PTCHD4: variants seen among roughly 807,000 people sequenced by gnomAD.
The protein encoded by PTCHD4 is patched domain containing 4, also known as patched domain-containing protein 4.
Under a neutral mutation model 58.1 loss-of-function variants are expected in PTCHD4, and 33 were observed. The observed-to-expected ratio is 0.57, with a 90% CI of 0.43 to 0.76. The LOEUF is 0.76. Ranked by LOEUF, PTCHD4 falls within the 30% of genes least tolerant of loss-of-function variation. The pLI is 0.00. For missense variants in PTCHD4, 1,058 were observed against 1,027.1 expected (o/e 1.03, Z -0.41); for synonymous variants, 478 against 409.6 (o/e 1.17, Z -2.02).
At position 47,875,054 on chromosome 6, in the gene PTCHD4, A is replaced by C. The variant is rs1482697032; in HGVS notation, c.*3249T>G. Among the ~76,000 whole-genome samples, 1 of 151,870 alleles carries C rather than the reference A, an allele frequency of 6.6e-6. No homozygotes were observed. Among genetic ancestry groups the C allele is most frequent in the African/African-American group, 2.4e-5 (1 of 41,404 alleles). On this transcript the variant is annotated 3_prime_UTR_variant, in exon 5 of 5. Coordinates refer to ENST00000339488, the MANE Select transcript of PTCHD4 (RefSeq NM_001384253.1). Reference sequence around the variant, plus strand: ...TTCTGATGGAAGGAAATAAATCCACATTCCAGTTTACATACAGAAAAAGAG... The same window carrying C: ...TTCTGATGGAAGGAAATAAATCCACCTTCCAGTTTACATACAGAAAAAGAG...
intron 4 of PTCHD4, chr6:47,901,280 G>T: frequency 4.5e-6 from 1 of 222,728 alleles, no homozygotes; most frequent in Non-Finnish European, 7.5e-6. Flanking sequence ...TTACACTCAA[G>T]TTCATAAAGT....
chr6:47,951,508 ACAAGGGACC>A lies in PTCHD4; in HGVS notation c.898+57117_898+57125del, dbSNP rs1766649817. Among the ~76,000 whole-genome samples, 3 of 152,336 alleles carry A rather than the reference ACAAGGGACC, an allele frequency of 2.0e-5. No individual in the cohort carries two copies. The South Asian group carries it at 6.2e-4, about 32-fold the overall frequency. Reference sequence around the variant, plus strand: ...AATATATCACTGCAGCCATTTACACACAAGGGACCCAGATTTTTATTTGGCAGTAAGATC... The same window carrying A: ...AATATATCACTGCAGCCATTTACACACAGATTTTTATTTGGCAGTAAGATC... On this transcript the variant is annotated intron_variant, in intron 4 of 4. Transcript: ENST00000339488.
intron 1 of PTCHD4, among the ~76,000 whole-genome samples, chr6:48,103,289 G>C (rs1477564434): frequency 1.3e-5 from 2 of 152,208 alleles, no homozygotes; most frequent in East Asian, 3.9e-4. Flanking sequence ...AGCATTTGCG[G>C]TTCACCAATA....
Position 47,878,944 on chromosome 6 carries a change from G to A in PTCHD4, c.1891C>T (p.Leu631Phe), listed in dbSNP as rs771335366. 1.9e-6 allele frequency: 3 copies of A among 1,613,080 alleles called. No individual in the cohort carries two copies. Among genetic ancestry groups the A allele is most frequent in the East Asian group, 2.2e-5 (1 of 44,850 alleles). ...EVLEKLRPLS[L>F]SKSIRFIVFN... ...ACGATGAATCGGATGCTCTTTGAGA[G>A]GGATAGGGGCCTCAGCTTTTCCAAC... The change falls in exon 5 of 5, where the codon CTC (leucine) becomes TTC (phenylalanine). Residue 631 changes from leucine (L) to phenylalanine (F), a missense_variant. Coordinates refer to ENST00000339488, the MANE Select transcript of PTCHD4 (RefSeq NM_001384253.1).
intron 4 of PTCHD4, among the ~76,000 whole-genome samples, chr6:47,942,847 G>A (rs925894122): frequency 3.3e-5 from 5 of 152,154 alleles, no homozygotes; most frequent in Admixed American, 2.0e-4. Flanking sequence ...ATTCCCTCTG[G>A]TTTCTAAGTG....
chr6:47,912,153 C>G (rs1765090636), intron 4 of PTCHD4, among the ~76,000 whole-genome samples: 1 of 152,060 alleles, frequency 6.6e-6, no homozygotes, highest in Admixed American at 6.6e-5. Context: ...ATGATGGTAG[C>G]AGGGTTTTGC....
chr6:47,881,515 T>C (rs1764021050), intron 4 of PTCHD4, among the ~76,000 whole-genome samples: 1 of 152,034 alleles, frequency 6.6e-6, no homozygotes, highest in South Asian at 2.1e-4. Context: ...TCTGCCTCCT[T>C]TTGGAATTCT....
chr6:48,072,239 CTATT>C (rs1179653844), intron 1 of PTCHD4, among the ~76,000 whole-genome samples: 5 of 152,138 alleles, frequency 3.3e-5, no homozygotes, highest in East Asian at 1.9e-4. Flanking sequence ...TCTATTTTCT[CTATT>C]TATTCATTCA....
Position 47,867,326 on chromosome 6 carries a change from A to G in PTCHD4, c.*10977T>C. On this transcript the variant is annotated 3_prime_UTR_variant, in exon 5 of 5. Transcript: ENST00000339488. ...CTCTAAACTGGCTCTTGCAACCACT[A>G]CATTTCAAAGCAAGAGAGATTATAA... Among the ~76,000 whole-genome samples, 1 of 151,762 alleles carries G rather than the reference A, an allele frequency of 6.6e-6. No individual in the cohort carries two copies. Among genetic ancestry groups the G allele is most frequent in the Non-Finnish European group, 1.5e-5 (1 of 67,836 alleles).
At chr6:47,906,640 A>G (rs774391425) in intron 4 of PTCHD4, among the ~76,000 whole-genome samples, 10 of 152,212 alleles carry the variant, frequency 6.6e-5, no homozygotes, top group Non-Finnish European at 1.0e-4. Context: ...CTTCATTTAT[A>G]GAAAGTGAAT....
chr6:47,974,639 C>A (rs1767628031), intron 4 of PTCHD4, among the ~76,000 whole-genome samples: 1 of 152,160 alleles, frequency 6.6e-6, no homozygotes, highest in Non-Finnish European at 1.5e-5. Context: ...TGCTAAATAT[C>A]CCCTGGGAGG....
intron 4 of PTCHD4, among the ~76,000 whole-genome samples, chr6:47,973,044 AT>A (rs1336624277): frequency 6.6e-6 from 1 of 151,816 alleles, no homozygotes. Flanking sequence ...CTCATTTATT[AT>A]TTTTTCTTCA....
chr6:48,110,532 A>T (rs1223983651), intron 1 of PTCHD4, among the ~76,000 whole-genome samples: 1 of 151,766 alleles, frequency 6.6e-6, no homozygotes, highest in African/African-American at 2.4e-5. Context: ...GTTATATAGG[A>T]TGAATAAGTC....
rs1437046916 is a variant in PTCHD4, at chr6:47,868,402, C to T, written c.*9901G>A. ...TATAGGAAAATTCAAGAAAATGAAA[C>T]AAAACAACAACAAAAGCTTCTGAAT... On this transcript the variant is annotated 3_prime_UTR_variant, in exon 5 of 5. Coordinates refer to ENST00000339488, the MANE Select transcript of PTCHD4 (RefSeq NM_001384253.1). Among the ~76,000 whole-genome samples the T allele has an allele frequency of 6.6e-6, 1 of 151,502 alleles. No individual in the cohort carries two copies. Among genetic ancestry groups the T allele is most frequent in the Non-Finnish European group, 1.5e-5 (1 of 67,736 alleles).
intron 4 of PTCHD4, among the ~76,000 whole-genome samples, chr6:47,993,713 A>G (rs1188670401): frequency 3.3e-5 from 5 of 152,160 alleles, no homozygotes; most frequent in Middle Eastern, 3.2e-3. Context: ...AATTAAAACA[A>G]GTGGATGGAC....
At chr6:47,899,041 A>T (rs1398309017) in intron 4 of PTCHD4, among the ~76,000 whole-genome samples, 1 of 152,224 alleles carries the variant, frequency 6.6e-6, no homozygotes, top group Non-Finnish European at 1.5e-5. Context: ...AGTATCCATA[A>T]GTGGAAAAGT....
rs903396572 is a variant in PTCHD4, at chr6:47,860,583, A to G, written c.*17720T>C. Among the ~76,000 whole-genome samples the G allele has an allele frequency of 9.9e-5, 15 of 152,104 alleles. No homozygotes were observed. Among genetic ancestry groups the G allele is most frequent in the Admixed American group, 2.6e-4 (4 of 15,266 alleles). On this transcript the variant is annotated 3_prime_UTR_variant, in exon 5 of 5. Coordinates refer to ENST00000339488, the MANE Select transcript of PTCHD4 (RefSeq NM_001384253.1). ...CATGCAGCCTTCTTTCTTTCTTTAC[A>G]TTAGCACTACTGCCCATTCTTCACA...
chr6:47,956,929 C>A (rs1365001879), intron 4 of PTCHD4, among the ~76,000 whole-genome samples: 3 of 151,752 alleles, frequency 2.0e-5, no homozygotes, highest in Non-Finnish European at 4.4e-5. Flanking sequence ...TTTGGGAGGC[C>A]GAGGAGGGCA....
chr6:47,987,269 A>G (rs1489230852), intron 4 of PTCHD4, among the ~76,000 whole-genome samples: 90 of 96,388 alleles, frequency 9.3e-4, no homozygotes, highest in Non-Finnish European at 3.2e-4. Flanking sequence ...GGGAGGGGGG[A>G]AGGGGGAGGG....
Sources: gnomAD v4.1 joint callset for allele counts (sites outside exome capture counted in the v4.1 genomes callset) on GRCh38, gnomAD v4.1.1 for gene constraint, MANE v1.5 for transcripts, NCBI Gene and HGNC (gene_info 2026-07-23, HGNC 2026-07-21) for gene names.